STRA6: variants seen among roughly 807,000 people sequenced by gnomAD.
The protein encoded by STRA6 is receptor for retinol uptake STRA6.
Under a neutral mutation model 83.6 loss-of-function variants are expected in STRA6, and 48 were observed. The ratio of observed to expected loss-of-function variants is 0.57; its 90% CI spans 0.46 to 0.73. The LOEUF (loss-of-function observed/expected upper bound fraction) is 0.73. Ranked by LOEUF, STRA6 falls within the 30% of genes least tolerant of loss-of-function variation. STRA6 has a pLI of 0.00. For synonymous variants in STRA6, 353 were observed against 362.3 expected, an observed-to-expected ratio of 0.97 and a Z score of 0.29; for missense variants, 760 against 838.8, an observed-to-expected ratio of 0.91 and a Z score of 1.16.
chr15:74,182,632 T>C, intron 14 of STRA6, 172 bp from the exon 15 acceptor site: 1 of 613,182 alleles, frequency 1.6e-6, no homozygotes, highest in Non-Finnish European at 2.9e-6. Flanking sequence ...TCATTGAGCC[T>C]CAGTTTCTTC....
At position 74,184,999 on chromosome 15, in the gene STRA6, G is replaced by A. The variant is rs748253525; in HGVS notation, c.1147C>T (p.Arg383Cys). The A allele has an allele frequency of 9.3e-6, 15 of 1,613,812 alleles. No individual in the cohort carries two copies. The highest frequency in any genetic ancestry group is 4.4e-5 in the South Asian group (4 of 91,050). ...ACTCACCTGTGTGTCACCAGTGAGC[G>A]CATCAGGACCAGGAAGGTGAGTAAG... ...SCLLTFLVLM[R>C]SLVTHRTNLR... is the part of the protein sequence containing the mutation. The change falls in exon 13 of 19, where the codon CGC (arginine) becomes TGC (cysteine). Residue 383 changes from arginine to cysteine, a missense_variant. By Grantham distance (180) the Arg-to-Cys change is radical. Coordinates refer to ENST00000395105, the MANE Select transcript of STRA6 (RefSeq NM_022369.4).
upstream of STRA6, among the ~76,000 whole-genome samples, chr15:74,206,197 A>G (rs1477115286): frequency 5.3e-5 from 8 of 152,010 alleles, no homozygotes; most frequent in Non-Finnish European, 1.2e-4. Context: ...AGGTGCCCCC[A>G]TTGCCTCCCA....
intron 12 of STRA6, among the ~76,000 whole-genome samples, chr15:74,186,295 T>C (rs576488613): frequency 2.0e-5 from 3 of 152,322 alleles, no homozygotes; most frequent in Admixed American, 6.5e-5. Context: ...CCAATATTTA[T>C]TGGGTGCCTA....
rs775869542 is a variant in STRA6, at chr15:74,191,192, T to A, written c.840A>T (p.Arg280Ser). The change falls in exon 10 of 19, where the codon AGA becomes AGT. Residue 280 changes from arginine (R) to serine (S), a missense_variant. Arg to Ser is a moderately radical substitution (Grantham distance 110, BLOSUM62 -1). Transcript: ENST00000395105. The stretch of plus-strand genomic sequence containing the variant: ...CTGGCTGTGGAGTGTAGATGCAGTG[T>A]CTCAAGCAGACGCGGGCCCAGGACA... ...GFLSWARVCL[R>S]HCIYTPQPGF... 6 of 1,613,256 alleles carry A rather than the reference T, an allele frequency of 3.7e-6. No homozygotes were observed. The highest frequency in any genetic ancestry group is 5.1e-6 in the Non-Finnish European group (6 of 1,179,794).
At chr15:74,203,992 G>A (rs971346360), upstream of STRA6, among the ~76,000 whole-genome samples, 7 of 152,158 alleles carry the variant, frequency 4.6e-5, no homozygotes, top group African/African-American at 1.4e-4. Flanking sequence ...AATCCTGGAG[G>A]CTCTCTTTCA....
intron 2 of STRA6, among the ~76,000 whole-genome samples, chr15:74,199,292 G>A (rs1032366057): frequency 2.6e-5 from 4 of 152,198 alleles, no homozygotes; most frequent in South Asian, 2.1e-4. Flanking sequence ...GCGGGTGAGC[G>A]GTGGGAAAGA....
chr15:74,194,990 G>T, intron 7 of STRA6: 1 of 1,432,742 alleles, frequency 7.0e-7, no homozygotes, highest in Non-Finnish European at 9.1e-7. Context: ...GGAAGCTGGG[G>T]GATCACTAAC....
In STRA6 at chr15:74,208,006, C is replaced by G. The variant is rs74802269; in HGVS notation, c.-16+794G>C. 3.6e-3 allele frequency: 5,067 copies of G among 1,393,930 alleles called. 146 individuals carry two copies. In the African/African-American group the frequency reaches 0.064, roughly 18 times the overall value. 86.3% of individuals were successfully genotyped at this position (1,393,930 alleles called of 1,614,324 possible). A position where few individuals can be genotyped will look rare whatever the true frequency, so the allele number is the denominator to read the frequency against. The stretch of plus-strand genomic sequence containing the variant: ...GGGTCAGAAGCACCATCTGATGTGC[C>G]CTTCCTGCAATTCTCATGCCCCCCT... On this transcript the variant is annotated intron_variant, in intron 1 of 18. Transcript: ENST00000323940.
chr15:74,197,907 G>T, intron 2 of STRA6, 89 bp from the exon 3 acceptor site: 1 of 1,383,696 alleles, frequency 7.2e-7, no homozygotes, highest in Non-Finnish European at 1.0e-6. Context: ...TTCACACTGA[G>T]GCTTTACCCA....
Position 74,188,980 on chromosome 15 carries a change from G to T in STRA6, c.1090+135C>A. 3 of 1,084,156 alleles carry T rather than the reference G, an allele frequency of 2.8e-6. No homozygotes were observed. Among genetic ancestry groups the T allele is most frequent in the Non-Finnish European group, 4.0e-6 (3 of 749,094 alleles). 67.2% of individuals were successfully genotyped at this position (1,084,156 alleles called of 1,614,324 possible). A position where few individuals can be genotyped will look rare whatever the true frequency, so the allele number is the denominator to read the frequency against. On this transcript the variant is annotated intron_variant, in intron 12 of 18. Transcript: ENST00000395105. The surrounding 1 kb of genome is among the most constrained non-coding windows in gnomAD (Gnocchi z 4.5). ...CCAACTGCCACAATTTGGAGATGAG[G>T]CAATCGAGACCCAGAGAGAGGAAGG...
chr15:74,199,090 G>A (rs552341129), intron 2 of STRA6, among the ~76,000 whole-genome samples: 4 of 152,322 alleles, frequency 2.6e-5, no homozygotes, highest in South Asian at 4.1e-4. Context: ...GGGTCTGGTG[G>A]GCGAGGGCCT....
At position 74,202,262 on chromosome 15, in the gene STRA6, C is replaced by G. The variant is rs143708162; in HGVS notation, c.6G>C (p.Ser2=). ...AGGTCTGGTTCCCTGCTGGCTGGGA[C>G]GACATTCTCTGGCCCTTCTCCTTTG... M[S]SQPAGNQTSP... Residue 2 remains serine (S), a synonymous_variant, in exon 2 of 19, where the codon TCG becomes TCC. Transcript: ENST00000395105. The G allele has an allele frequency of 3.9e-6, 6 of 1,542,550 alleles. No individual in the cohort carries two copies. The African/African-American group carries it at 7.0e-5, about 18-fold the overall frequency.
In STRA6 at chr15:74,189,123, G is replaced by C. The variant is rs1264581934; in HGVS notation, c.1082C>G (p.Ala361Gly). 1 of 1,613,966 alleles carries C rather than the reference G, an allele frequency of 6.2e-7. No homozygotes were observed. The highest frequency in any genetic ancestry group is 1.3e-5 in the African/African-American group (1 of 74,926). Reference protein sequence around the residue: ...VVELVKHHLWALEVCYISALV... With the variant: ...VVELVKHHLWGLEVCYISALV... Reference sequence around the variant, plus strand: ...CTCCCTGGAGGCCTCACCTTCCAGAGCCCACAGATGGTGCTTCACCAGCTC... The same window carrying C: ...CTCCCTGGAGGCCTCACCTTCCAGACCCCACAGATGGTGCTTCACCAGCTC... The change falls in exon 12 of 19, where the codon GCT becomes GGT. Residue 361 changes from alanine to glycine, a missense_variant. Transcript: ENST00000395105.
rs351228 is a variant in STRA6, at chr15:74,191,074, T to C, written c.865+93A>G. On this transcript the variant is annotated intron_variant, in intron 10 of 18. Transcript: ENST00000395105. ...TTGTCCCTCTTGATGACAAGGATTC[T>C]GGGGAGCAGGAGCCAGTCCTCCACT... 0.99 allele frequency: 1,557,056 copies of C among 1,571,964 alleles called. 772,293 individuals carry two copies. Among genetic ancestry groups the C allele is most frequent in the East Asian group, 1 (42,038 of 42,038 alleles).
intron 7 of STRA6, chr15:74,194,317 A>G: frequency 8.7e-7 from 1 of 1,152,446 alleles, no homozygotes; most frequent in Non-Finnish European, 1.1e-6. Context: ...GAGCATCAGG[A>G]AAGTCTATGC....
chr15:74,204,897 T>C (rs897245447), upstream of STRA6, among the ~76,000 whole-genome samples: 2 of 151,886 alleles, frequency 1.3e-5, no homozygotes, highest in African/African-American at 4.9e-5. Context: ...ATCGTGCCAC[T>C]GCACTCCAGC....
chr15:74,181,485 A>T, intron 16 of STRA6, 27 bp from the exon 17 acceptor site: 1 of 1,611,380 alleles, frequency 6.2e-7, no homozygotes, highest in Non-Finnish European at 8.5e-7. Context: ...AAGCTGAGGC[A>T]GGCCGTTCCC....
intron 8 of STRA6, 122 bp downstream of exon 8, chr15:74,193,678 T>G: frequency 6.6e-7 from 1 of 1,523,636 alleles, no homozygotes; most frequent in South Asian, 1.1e-5. Context: ...AAACATTTTC[T>G]GAGCATCTAT....
At chr15:74,189,725 G>A (rs1294832597) in intron 11 of STRA6, among the ~76,000 whole-genome samples, 11 of 149,736 alleles carry the variant, frequency 7.3e-5, no homozygotes, top group African/African-American at 1.5e-4. Context: ...GTGCAGTGGC[G>A]CGATCTCGGC....
Sources: allele counts gnomAD v4.1 joint callset (sites outside exome capture counted in the v4.1 genomes callset), GRCh38; gene constraint gnomAD v4.1.1; non-coding constraint Gnocchi (gnomAD v3.1); transcripts MANE v1.5; gene names NCBI Gene and HGNC (gene_info 2026-07-23, HGNC 2026-07-21).